Variants in LRRC4C observed in about 807,000 individuals in gnomAD.
LRRC4C encodes leucine-rich repeat-containing protein 4C.
In LRRC4C, 5 loss-of-function variants were observed where a neutral mutation model predicts 33.6. The observed-to-expected ratio is 0.15, with a 90% CI of 0.08 to 0.31. The LOEUF is 0.31. LRRC4C is among the 10% of genes least tolerant of loss of function. The pLI is 1.00. For synonymous variants in LRRC4C, 329 were observed against 302.0 expected, an observed-to-expected ratio of 1.09 and a Z score of -0.93; for missense variants, 560 against 796.7, an observed-to-expected ratio of 0.70 and a Z score of 3.58.
intron 2 of LRRC4C, among the ~76,000 whole-genome samples, chr11:40,795,968 G>A (rs923083108): frequency 1.3e-5 from 2 of 152,122 alleles, no homozygotes; most frequent in African/African-American, 4.8e-5. Context: ...TGTGTTCTTA[G>A]CCCCAAATGA....
chr11:40,703,527 C>T (rs1039990806), intron 2 of LRRC4C, among the ~76,000 whole-genome samples: 1 of 152,078 alleles, frequency 6.6e-6, no homozygotes, highest in Non-Finnish European at 1.5e-5. Context: ...CAGCACTGAA[C>T]TCCAGCCTAG....
chr11:40,571,307 C>T (rs1957974047), intron 3 of LRRC4C, among the ~76,000 whole-genome samples: 1 of 151,890 alleles, frequency 6.6e-6, no homozygotes, highest in Non-Finnish European at 1.5e-5. Context: ...TGTTCATTGC[C>T]CACCGATGTT....
At chr11:40,899,498 T>C (rs1324707618) in intron 2 of LRRC4C, among the ~76,000 whole-genome samples, 1 of 152,188 alleles carries the variant, frequency 6.6e-6, no homozygotes, top group Non-Finnish European at 1.5e-5. Context: ...CATGAAATTC[T>C]GGATTTATTT....
intron 1 of LRRC4C, among the ~76,000 whole-genome samples, chr11:41,280,225 A>G (rs1198328347): frequency 6.6e-6 from 1 of 152,194 alleles, no homozygotes; most frequent in Non-Finnish European, 1.5e-5. Context: ...TGGAGACTTC[A>G]GAATTCTCAC....
At chr11:40,987,828 G>A (rs534054125) in intron 1 of LRRC4C, among the ~76,000 whole-genome samples, 2 of 151,848 alleles carry the variant, frequency 1.3e-5, no homozygotes, top group Admixed American at 1.3e-4. Flanking sequence ...GCAGTGAATA[G>A]CACAAAGACA....
rs540159339 is a variant in LRRC4C, at chr11:41,252,947, C to T, written c.-496+206484G>A. The stretch of plus-strand genomic sequence containing the variant: ...ACCTCCCACTGTGTCCCTCCTACAA[C>T]ATGTGGGAATTATGGGAGCTACAAT... On this transcript the variant is annotated intron_variant, in intron 1 of 6. Transcript: ENST00000528697. Among the ~76,000 whole-genome samples the T allele has an allele frequency of 7.9e-5, 12 of 152,284 alleles. No individual in the cohort carries two copies. The South Asian group carries it at 1.2e-3, about 16-fold the overall frequency.
At chr11:40,521,674 T>A (rs1005700925) in intron 3 of LRRC4C, among the ~76,000 whole-genome samples, 6 of 151,898 alleles carry the variant, frequency 4.0e-5, no homozygotes, top group African/African-American at 1.5e-4. Flanking sequence ...ATCAAGACCA[T>A]CCTGGCCAAC....
intron 3 of LRRC4C, among the ~76,000 whole-genome samples, chr11:40,430,071 T>C (rs1950861369): frequency 6.6e-6 from 1 of 152,314 alleles, no homozygotes. Flanking sequence ...TTCTCTTCGA[T>C]GCTGAGCCAA....
chr11:40,565,654 C>T (rs1021032534), intron 3 of LRRC4C, among the ~76,000 whole-genome samples: 25 of 152,120 alleles, frequency 1.6e-4, no homozygotes, highest in Admixed American at 1.5e-3. Flanking sequence ...TGGCCTGTCT[C>T]GGCTTTCTCT....
chr11:41,304,329 C>T (rs1950398439), intron 1 of LRRC4C, among the ~76,000 whole-genome samples: 1 of 113,134 alleles, frequency 8.8e-6, no homozygotes, highest in African/African-American at 3.4e-5. Flanking sequence ...CGGCCAGCCG[C>T]CCCGTCCGGG....
intron 3 of LRRC4C, among the ~76,000 whole-genome samples, chr11:40,451,366 CTTTTTTTTTTTTTTTTTT>C (rs71060962): frequency 2.1e-5 from 1 of 47,088 alleles, no homozygotes; most frequent in African/African-American, 9.3e-5. Context: ...GAAATAATGA[CTTTTTTTTTTTTTTTTTT>C]TTTTTTTTTT....
intron 1 of LRRC4C, among the ~76,000 whole-genome samples, chr11:41,089,156 T>C (rs983834157): frequency 2.0e-5 from 3 of 152,056 alleles, no homozygotes; most frequent in Non-Finnish European, 4.4e-5. Context: ...CCAGCTCCAG[T>C]CAATAGAGAT....
At chr11:40,358,191 A>G (rs1302272349) in intron 3 of LRRC4C, among the ~76,000 whole-genome samples, 1 of 151,766 alleles carries the variant, frequency 6.6e-6, no homozygotes, top group Non-Finnish European at 1.5e-5. Context: ...TCAAAAATAA[A>G]TAAATAAATA....
At chr11:40,963,792 G>A (rs926975578) in intron 1 of LRRC4C, among the ~76,000 whole-genome samples, 8 of 151,696 alleles carry the variant, frequency 5.3e-5, no homozygotes, top group Non-Finnish European at 8.8e-5. Flanking sequence ...CTTTCAAATA[G>A]AACCACACAC....
At chr11:40,696,681 C>T (rs1450961284) in intron 2 of LRRC4C, among the ~76,000 whole-genome samples, 1 of 147,332 alleles carries the variant, frequency 6.8e-6, no homozygotes, top group Non-Finnish European at 1.5e-5. Flanking sequence ...GCCAATAAAA[C>T]ACAGGCAATG....
At chr11:41,258,416 C>T (rs1346065544) in intron 1 of LRRC4C, among the ~76,000 whole-genome samples, 3 of 151,836 alleles carry the variant, frequency 2.0e-5, no homozygotes, top group Non-Finnish European at 2.9e-5. Context: ...TAGGCCAGGA[C>T]AAGTAGCAAC....
chr11:40,682,778 A>AAATAAATG (rs761497397), intron 2 of LRRC4C, among the ~76,000 whole-genome samples: 1 of 144,282 alleles, frequency 6.9e-6, no homozygotes, highest in Non-Finnish European at 1.5e-5. Context: ...ATAAATAAAT[A>AAATAAATG]AAATAAAGAT....
chr11:40,998,541 G>A (rs984285435), intron 1 of LRRC4C, among the ~76,000 whole-genome samples: 2 of 151,964 alleles, frequency 1.3e-5, no homozygotes, highest in East Asian at 3.9e-4. Context: ...TTCCTCTTTG[G>A]AGACAGGAAA....
At chr11:41,103,737 A>G (rs1941335971) in intron 1 of LRRC4C, among the ~76,000 whole-genome samples, 1 of 151,990 alleles carries the variant, frequency 6.6e-6, no homozygotes, top group African/African-American at 2.4e-5. Context: ...AAAATGTATT[A>G]CAAAGCTATA....
Sources: gnomAD v4.1 joint callset for allele counts (sites outside exome capture counted in the v4.1 genomes callset) on GRCh38, gnomAD v4.1.1 for gene constraint, MANE v1.5 for transcripts, NCBI Gene and HGNC (gene_info 2026-07-23, HGNC 2026-07-21) for gene names.